ZNF544: variants seen among roughly 807,000 people sequenced by gnomAD.
The protein encoded by ZNF544 is zinc finger protein AF020591.
A neutral mutation model predicts 13.5 loss-of-function variants in ZNF544; 10 were observed. The ratio of observed to expected loss-of-function variants is 0.74; its 90% CI spans 0.46 to 1.25. ZNF544 has a LOEUF of 1.25. Among genes scored for constraint, ZNF544 ranks in the 50% most tolerant of loss-of-function variants. The probability of loss-of-function intolerance (pLI) is 0.00; values close to 1 mark genes in which losing one functional copy is unlikely to be tolerated. For synonymous variants in ZNF544, 323 were observed against 300.5 expected (o/e 1.07, Z -0.77); for missense variants, 896 against 845.6 (o/e 1.06, Z -0.74).
At chr19:58,266,212 C>CAAAAAAAAAA (rs760851818), downstream of ZNF544, among the ~76,000 whole-genome samples, 1 of 46,206 alleles carries the variant, frequency 2.2e-5, no homozygotes, top group African/African-American at 9.2e-5. Flanking sequence ...GACTCTGTCT[C>CAAAAAAAAAA]AAAAAAAAAA....
chr19:58,271,073 G>A (rs146414830), intron 5 of ZNF544, among the ~76,000 whole-genome samples: 2,607 of 151,946 alleles, frequency 0.017, 69 homozygotes, highest in African/African-American at 0.06. Flanking sequence ...TTAGCCCAGC[G>A]TGGTGGTGGG....
At chr19:58,248,423 G>C (rs1230646528) in intron 6 of ZNF544, among the ~76,000 whole-genome samples, 2 of 150,010 alleles carry the variant, frequency 1.3e-5, no homozygotes, top group African/African-American at 4.9e-5. Context: ...TGTAGAGATG[G>C]AGTGTCACTG....
intron 5 of ZNF544, 80 bp from the exon 6 acceptor site, chr19:58,246,631 C>T (rs548774593): frequency 2.6e-6 from 4 of 1,549,010 alleles, no homozygotes; most frequent in East Asian, 2.2e-5. Flanking sequence ...CGGGACAGCA[C>T]TAGGGGCTGA....
Position 58,246,318 on chromosome 19 carries a change from G to C in ZNF544, c.51G>C (p.Glu17Asp), listed in dbSNP as rs1334390544. Residue 17 changes from glutamate (E) to aspartate (D), a missense_variant, in exon 5 of 7, where the codon GAG becomes GAC. By Grantham distance (45) the Glu-to-Asp change is conservative. Transcript: ENST00000687789. Reference protein sequence around the residue: ...LVPPQASVCFEDVAMAFTQEE... With the variant: ...LVPPQASVCFDDVAMAFTQEE... Reference sequence around the variant, plus strand: ...TGTTTCAGGCATCTGTGTGCTTCGAGGATGTGGCTATGGCATTCACACAGG... The same window carrying C: ...TGTTTCAGGCATCTGTGTGCTTCGACGATGTGGCTATGGCATTCACACAGG... 1.9e-6 allele frequency: 3 copies of C among 1,614,122 alleles called. No individual in the cohort carries two copies. Among genetic ancestry groups the C allele is most frequent in the South Asian group, 2.2e-5 (2 of 91,080 alleles).
intron 6 of ZNF544, among the ~76,000 whole-genome samples, chr19:58,253,092 A>G (rs914249178): frequency 3.3e-5 from 5 of 152,072 alleles, no homozygotes; most frequent in African/African-American, 7.2e-5. Context: ...TGCTGGGATT[A>G]TAGGCGTGAG....
chr19:58,240,547 G>T (rs915555546), intron 3 of ZNF544, among the ~76,000 whole-genome samples: 3 of 152,048 alleles, frequency 2.0e-5, no homozygotes, highest in Admixed American at 1.3e-4. Context: ...ATGACTTGAG[G>T]TCAGGAGTTT....
rs779324881 is a variant in ZNF544, at chr19:58,262,391, A to G, written c.1785A>G (p.Lys595=). ...AAAGCTATCAGTTAGTTGCACATAA[A>G]AGAACTCACACTGGAGAAAAGCCCT... ...FSQSYQLVAH[K]RTHTGEKPYE... The change falls in exon 7 of 7, where the codon AAA becomes AAG. Residue 595 remains lysine (K), a synonymous_variant. Transcript: ENST00000687789. 7 of 1,613,926 alleles carry G rather than the reference A, an allele frequency of 4.3e-6. No homozygotes were observed. In the South Asian group the frequency reaches 7.7e-5, roughly 18 times the overall value.
chr19:58,236,813 C>T (rs1219210368), intron 3 of ZNF544, among the ~76,000 whole-genome samples: 3 of 151,196 alleles, frequency 2.0e-5, no homozygotes, highest in Non-Finnish European at 2.9e-5. Flanking sequence ...GGGATCTCAG[C>T]TCACTGCAAC....
intron 3 of ZNF544, among the ~76,000 whole-genome samples, chr19:58,239,440 A>G (rs573654604): frequency 5.3e-5 from 8 of 152,220 alleles, no homozygotes; most frequent in Non-Finnish European, 1.2e-4. Flanking sequence ...CTGTGAAGAA[A>G]TGGCCCACTT....
downstream of ZNF544, chr19:58,264,110 CA>C (rs2049523245): frequency 7.4e-6 from 1 of 135,850 alleles, no homozygotes; most frequent in African/African-American, 2.8e-5. Flanking sequence ...AAAAAAAATA[CA>C]GGCCAGGCAC....
intron 5 of ZNF544, among the ~76,000 whole-genome samples, chr19:58,273,515 C>G (rs571363521): frequency 1.3e-5 from 2 of 151,852 alleles, no homozygotes; most frequent in Admixed American, 1.3e-4. Flanking sequence ...AGGCCGAAAC[C>G]CTGTCTCTAC....
intron 3 of ZNF544, among the ~76,000 whole-genome samples, chr19:58,237,608 T>C (rs73056284): frequency 0.1 from 15,177 of 152,278 alleles, 785 homozygotes; most frequent in South Asian, 0.12. Flanking sequence ...GGTAGGACCC[T>C]CACACCCACC....
rs7248057 is a variant in ZNF544, at chr19:58,263,147, T to A, written c.*393T>A. On this transcript the variant is annotated 3_prime_UTR_variant, in exon 7 of 7. Coordinates refer to ENST00000687789, the MANE Select transcript of ZNF544 (RefSeq NM_014480.4). ...TCCTTATTCAACATGAGAAAGCTCA[T>A]GGGCAAGAAACTCTATGAATAACCA... is the stretch of plus-strand genomic sequence containing the variant. The A allele has an allele frequency of 0.028, 28,619 of 1,006,308 alleles. 1,387 individuals carry two copies. The highest frequency in any genetic ancestry group is 0.19 in the African/African-American group (10,770 of 57,710). 62.3% of individuals were successfully genotyped at this position (1,006,308 alleles called of 1,614,324 possible).
At chr19:58,273,525 CT>C (rs746822908) in intron 5 of ZNF544, among the ~76,000 whole-genome samples, 14 of 151,604 alleles carry the variant, frequency 9.2e-5, no homozygotes, top group Non-Finnish European at 2.1e-4. Context: ...CCTGTCTCTA[CT>C]AAAAATACAA....
At position 58,263,435 on chromosome 19, in the gene ZNF544, T is replaced by C; in HGVS notation, c.*681T>C. On this transcript the variant is annotated 3_prime_UTR_variant, in exon 7 of 7. Coordinates refer to ENST00000687789, the MANE Select transcript of ZNF544 (RefSeq NM_014480.4). The stretch of plus-strand genomic sequence containing the variant: ...GTGATCATGCCATCACACCGCTGCC[T>C]TGTGAGAGATTGAGACACTCTAAAT... The C allele has an allele frequency of 1.0e-6, 1 of 985,232 alleles. No individual in the cohort carries two copies. The highest frequency in any genetic ancestry group is 1.1e-4 in the East Asian group (1 of 8,786). The allele number at this position is 985,232 out of a possible 1,614,324, so 61.0% of individuals were successfully genotyped here.
At chr19:58,250,559 G>T (rs1337877783) in intron 6 of ZNF544, among the ~76,000 whole-genome samples, 1 of 152,168 alleles carries the variant, frequency 6.6e-6, no homozygotes, top group Non-Finnish European at 1.5e-5. Context: ...CATGTGAGGG[G>T]TTAATAATCT....
chr19:58,262,696 TC>T lies in ZNF544; in HGVS notation c.2092del (p.Arg698GlyfsTer7). The T allele has an allele frequency of 1.2e-6, 2 of 1,612,262 alleles. No individual in the cohort carries two copies. The highest frequency in any genetic ancestry group is 2.2e-5 in the South Asian group (2 of 90,994). On this transcript the variant is annotated frameshift_variant, in exon 7 of 7. Transcript: ENST00000687789. LOFTEE classifies it low-confidence loss of function (END_TRUNC). Reference sequence around the variant, plus strand: ...GAATGTAGTGACTGTGGGAAATCCTTCCGGCAGCAATCTCAACTTGTAGTGC... The same window carrying T: ...GAATGTAGTGACTGTGGGAAATCCTTCGGCAGCAATCTCAACTTGTAGTGC... ...PYECSDCGKS[F>X]RQQSQLVVHR... is the part of the protein sequence containing the mutation.
chr19:58,266,233 AAAG>A (rs1349779436), downstream of ZNF544, among the ~76,000 whole-genome samples: 1 of 149,366 alleles, frequency 6.7e-6, no homozygotes, highest in African/African-American at 2.5e-5. Context: ...AAAAAAAAAA[AAAG>A]GGCTGTGTGC....
At chr19:58,266,165 C>T (rs1004079552), downstream of ZNF544, among the ~76,000 whole-genome samples, 1 of 135,492 alleles carries the variant, frequency 7.4e-6, no homozygotes, top group South Asian at 2.3e-4. Context: ...GAGACTGCGC[C>T]GTTGAACTCC....
Sources: allele counts gnomAD v4.1 joint callset (sites outside exome capture counted in the v4.1 genomes callset), GRCh38; gene constraint gnomAD v4.1.1; transcripts MANE v1.5; gene names NCBI Gene and HGNC (gene_info 2026-07-23, HGNC 2026-07-21).